Variants in SANBR observed in about 807,000 individuals in gnomAD.
SANBR encodes SANT and BTB domain regulator of class switch recombination.
SANBR carries 77 observed loss-of-function variants against 101.8 expected under a neutral mutation model. The ratio of observed to expected loss-of-function variants is 0.76; its 90% CI spans 0.63 to 0.91. SANBR has a LOEUF of 0.91. Among genes scored for constraint, SANBR ranks in the 40% least tolerant of loss-of-function variants. The pLI is 0.00. For missense variants in SANBR, 875 were observed against 853.0 expected (o/e 1.03, Z -0.32); for synonymous variants, 279 against 274.7 (o/e 1.02, Z -0.15).
intron 13 of SANBR, 142 bp downstream of exon 13, chr2:61,104,140 C>A: frequency 1.4e-6 from 1 of 709,808 alleles, no homozygotes; most frequent in Non-Finnish European, 2.3e-6. Context: ...TATATGTTAG[C>A]TTACAGTAAG....
chr2:61,121,165 A>G lies in SANBR; in HGVS notation c.2029-20A>G. On this transcript the variant is annotated intron_variant, in intron 20 of 21. Transcript: ENST00000402291. ...CTATTGATTCTGTGAAGATAACAGT[A>G]TTGCTTCTTTATTCTGCAGTTTGCA... The G allele has an allele frequency of 2.0e-6, 3 of 1,512,546 alleles. No individual in the cohort carries two copies. Among genetic ancestry groups the G allele is most frequent in the Non-Finnish European group, 2.7e-6 (3 of 1,111,900 alleles). 93.7% of individuals were successfully genotyped at this position (1,512,546 alleles called of 1,614,324 possible). A position where few individuals can be genotyped will look rare whatever the true frequency, so the allele number is the denominator to read the frequency against.
intron 8 of SANBR, among the ~76,000 whole-genome samples, chr2:61,084,407 G>A (rs568864221): frequency 6.6e-6 from 1 of 152,230 alleles, no homozygotes; most frequent in East Asian, 1.9e-4. Flanking sequence ...TATCGTGATA[G>A]TGAATTATGT....
rs547827624 is a variant in SANBR, at chr2:61,088,983, A to G, written c.1088+515A>G. 17 of 898,158 alleles carry G rather than the reference A, an allele frequency of 1.9e-5. No homozygotes were observed. The African/African-American group carries it at 2.9e-4, about 15-fold the overall frequency. The allele number at this position is 898,158 out of a possible 1,614,324, so 55.6% of individuals were successfully genotyped here. A position where few individuals can be genotyped will look rare whatever the true frequency, so the allele number is the denominator to read the frequency against. On this transcript the variant is annotated intron_variant, in intron 10 of 21. Coordinates refer to ENST00000402291, the MANE Select transcript of SANBR (RefSeq NM_001129993.3). Reference sequence around the variant, plus strand: ...ATTTTATTTACTGGGTAAGTGTCATAATGTTTTACACATTAAAATGATAAA... The same window carrying G: ...ATTTTATTTACTGGGTAAGTGTCATGATGTTTTACACATTAAAATGATAAA...
At chr2:61,112,566 T>A (rs1683882966) in intron 16 of SANBR, among the ~76,000 whole-genome samples, 1 of 152,062 alleles carries the variant, frequency 6.6e-6, no homozygotes, top group South Asian at 2.1e-4. Flanking sequence ...GTGCGATCTC[T>A]CACTGCAACC....
At chr2:61,121,393 C>A in intron 21 of SANBR, 117 bp downstream of exon 21, 1 of 591,560 alleles carries the variant, frequency 1.7e-6, no homozygotes, top group Non-Finnish European at 3.0e-6. Flanking sequence ...TGTTTTGTTT[C>A]AATGATTATA....
At position 61,083,236 on chromosome 2, in the gene SANBR, A is replaced by T; in HGVS notation, c.812A>T (p.Asn271Ile). 1 of 1,610,788 alleles carries T rather than the reference A, an allele frequency of 6.2e-7. No individual in the cohort carries two copies. Residue 271 changes from asparagine (N) to isoleucine (I), a missense_variant, in exon 8 of 22, where the codon AAT (asparagine) becomes ATT (isoleucine). By Grantham distance (149) the Asn-to-Ile change is moderately radical. Coordinates refer to ENST00000402291, the MANE Select transcript of SANBR (RefSeq NM_001129993.3). ...TPCNMNCINA[N>I]LLTRIADLFS... ...TGCAACATGAACTGTATTAATGCAA[A>T]TCTTCTCACACGTATAGCTGATCTG...
chr2:61,092,605 A>G lies in SANBR; in HGVS notation c.1212+18A>G, dbSNP rs72809464. 6.6e-7 allele frequency: 1 copy of G among 1,508,584 alleles called. No homozygotes were observed. Among genetic ancestry groups the G allele is most frequent in the South Asian group, 1.3e-5 (1 of 78,188 alleles). The allele number at this position is 1,508,584 out of a possible 1,614,324, so 93.4% of individuals were successfully genotyped here. A position where few individuals can be genotyped will look rare whatever the true frequency, so the allele number is the denominator to read the frequency against. On this transcript the variant is annotated intron_variant, in intron 11 of 21. Transcript: ENST00000402291. ...GTTATCAGGTAAGATTTTTTTTTTT[A>G]AATATCCTGCTCTGCAAATATTGAG...
intron 21 of SANBR, 26 bp downstream of exon 21, chr2:61,121,302 G>C (rs1293353488): frequency 6.6e-7 from 1 of 1,504,316 alleles, no homozygotes; most frequent in African/African-American, 1.4e-5. Context: ...CTAAACCAGA[G>C]TGTCAGTGGC....
rs79957513 is a variant in SANBR at position 61,077,836 on chromosome 2, G to C, written c.670+678G>C. ...AATTGAAGACCATTTTTACTTGAGA[G>C]AACAACTGACAGAGAAATAATGGTA... On this transcript the variant is annotated intron_variant, in intron 6 of 21. Coordinates refer to ENST00000402291, the MANE Select transcript of SANBR (RefSeq NM_001129993.3). Among the ~76,000 whole-genome samples, 221 of 152,286 alleles carry C rather than the reference G, an allele frequency of 1.5e-3. 4 individuals are homozygous for C. In the East Asian group the frequency reaches 0.037, roughly 25 times the overall value.
At chr2:61,125,111 T>C (rs1409151486), downstream of SANBR, among the ~76,000 whole-genome samples, 2 of 152,214 alleles carry the variant, frequency 1.3e-5, no homozygotes, top group African/African-American at 4.8e-5. Flanking sequence ...AGCTGATCTA[T>C]TGGGGAAGAT....
intron 12 of SANBR, among the ~76,000 whole-genome samples, chr2:61,101,590 G>A (rs993078943): frequency 4.0e-5 from 6 of 151,872 alleles, no homozygotes; most frequent in Non-Finnish European, 7.4e-5. Context: ...AAAATTAGCC[G>A]GGCTTGGTGG....
chr2:61,131,172 T>C (rs1684679273), intron 20 of SANBR, among the ~76,000 whole-genome samples: 1 of 152,050 alleles, frequency 6.6e-6, no homozygotes, highest in Non-Finnish European at 1.5e-5. Flanking sequence ...AACATTTCTA[T>C]TCAACATTGT....
chr2:61,080,927 G>A (rs1170646518), intron 6 of SANBR, among the ~76,000 whole-genome samples: 2 of 152,042 alleles, frequency 1.3e-5, no homozygotes, highest in East Asian at 3.8e-4. Flanking sequence ...GCATCAGGCG[G>A]CATCCCCCTT....
intron 8 of SANBR, among the ~76,000 whole-genome samples, chr2:61,084,103 G>A (rs1250632018): frequency 1.3e-5 from 2 of 151,894 alleles, no homozygotes; most frequent in African/African-American, 4.8e-5. Context: ...ACAGGCGCAC[G>A]CCACCATGCG....
intron 8 of SANBR, among the ~76,000 whole-genome samples, chr2:61,084,221 T>C (rs1314657193): frequency 6.6e-6 from 1 of 152,182 alleles, no homozygotes; most frequent in African/African-American, 2.4e-5. Flanking sequence ...CCCAAAGTGC[T>C]GGGATTACAG....
chr2:61,101,408 G>A (rs904557401), intron 12 of SANBR, among the ~76,000 whole-genome samples: 6 of 152,052 alleles, frequency 3.9e-5, no homozygotes, highest in South Asian at 2.1e-4. Context: ...ACATTGTTTC[G>A]AGCAAAATAT....
intron 12 of SANBR, among the ~76,000 whole-genome samples, chr2:61,099,254 G>A (rs921957965): frequency 1.3e-5 from 2 of 152,298 alleles, no homozygotes; most frequent in African/African-American, 4.8e-5. Context: ...TTTGCAGTGT[G>A]GAAAATGCAC....
rs1322040740 is a variant in SANBR at position 61,076,488 on chromosome 2, C to G, written c.432-432C>G. Among the ~76,000 whole-genome samples, 27 of 148,010 alleles carry G rather than the reference C, an allele frequency of 1.8e-4. No individual in the cohort carries two copies. In the East Asian group the frequency reaches 4.6e-3, roughly 25 times the overall value. The stretch of plus-strand genomic sequence containing the variant: ...AAAAAAAAAAAAAAAATTAGCTGGG[C>G]GCCATGGTGGGCGCCTGTAGTCCCA... On this transcript the variant is annotated intron_variant, in intron 5 of 21. Transcript: ENST00000402291.
At chr2:61,097,938 A>G (rs545059186) in intron 12 of SANBR, 86 bp downstream of exon 12, 2 of 1,090,056 alleles carry the variant, frequency 1.8e-6, no homozygotes, top group Admixed American at 2.3e-5. Context: ...CAAACAATAC[A>G]TAAATATAGT....
Sources: allele counts gnomAD v4.1 joint callset (sites outside exome capture counted in the v4.1 genomes callset), GRCh38; gene constraint gnomAD v4.1.1; transcripts MANE v1.5; gene names NCBI Gene and HGNC (gene_info 2026-07-23, HGNC 2026-07-21).